Variants in WDR49 observed in about 807,000 individuals in gnomAD.
WDR49 encodes the protein cilia- and flagella-associated protein 337.
A neutral mutation model predicts 119.5 loss-of-function variants in WDR49; 107 were observed. That is an observed-to-expected ratio of 0.90 (90% confidence interval 0.77 to 1.05). The LOEUF is 1.05. WDR49 is among the 50% of genes least tolerant of loss of function. The pLI is 0.00. For synonymous variants in WDR49, 425 were observed against 418.8 expected (o/e 1.01, Z -0.18); for missense variants, 1,240 against 1,220.5 (o/e 1.02, Z -0.24).
intron 13 of WDR49, 63 bp downstream of exon 13, chr3:167,531,052 T>C (rs1752833347): frequency 2.6e-6 from 4 of 1,528,914 alleles, no homozygotes; most frequent in Non-Finnish European, 3.5e-6. Flanking sequence ...CTAGTAGAAA[T>C]AGATTGGATT....
At chr3:167,592,641 G>A (rs1285650121) in intron 7 of WDR49, among the ~76,000 whole-genome samples, 1 of 151,870 alleles carries the variant, frequency 6.6e-6, no homozygotes, top group Admixed American at 6.6e-5. Context: ...CACCATGTTG[G>A]GCAGGACGGT....
chr3:167,523,601 G>A (rs1375650557), intron 15 of WDR49, among the ~76,000 whole-genome samples: 2 of 152,052 alleles, frequency 1.3e-5, no homozygotes, highest in Non-Finnish European at 2.9e-5. Context: ...CTGTGTCCAT[G>A]TGTTCTAATT....
At chr3:167,552,091 C>T (rs1229155706) in intron 10 of WDR49, among the ~76,000 whole-genome samples, 1 of 151,866 alleles carries the variant, frequency 6.6e-6, no homozygotes, top group Non-Finnish European at 1.5e-5. Flanking sequence ...TGTATGTGAA[C>T]ACCCTAAGCA....
chr3:167,541,283 C>A (rs981387576), intron 10 of WDR49, among the ~76,000 whole-genome samples: 1 of 152,102 alleles, frequency 6.6e-6, no homozygotes, highest in Non-Finnish European at 1.5e-5. Context: ...AGGAAAGAAT[C>A]TTGAGGGCTA....
intron 2 of WDR49, 107 bp downstream of exon 2, chr3:167,653,154 A>C (rs1363380687): frequency 3.1e-5 from 39 of 1,262,200 alleles, no homozygotes; most frequent in Non-Finnish European, 4.3e-5. Context: ...CTCTGCTATA[A>C]CAATTAAGTG....
At chr3:167,570,961 G>T (rs1295988477) in intron 8 of WDR49, among the ~76,000 whole-genome samples, 1 of 151,192 alleles carries the variant, frequency 6.6e-6, no homozygotes, top group Non-Finnish European at 1.5e-5. Context: ...GGAGGCGGAG[G>T]TTGCGGTGAG....
At chr3:167,489,661 G>A (rs533769801) in intron 18 of WDR49, among the ~76,000 whole-genome samples, 2 of 152,062 alleles carry the variant, frequency 1.3e-5, no homozygotes, top group Non-Finnish European at 2.9e-5. Flanking sequence ...AGAAGAATTG[G>A]TTTATATATT....
At chr3:167,613,903 C>T (rs1716469318) in intron 5 of WDR49, among the ~76,000 whole-genome samples, 11 of 150,736 alleles carry the variant, frequency 7.3e-5, no homozygotes, top group Admixed American at 7.3e-4. Context: ...CGAGATCATG[C>T]CACTGCAGCC....
intron 18 of WDR49, among the ~76,000 whole-genome samples, 198 bp from the exon 19 acceptor site, chr3:167,479,194 G>A (rs1750599140): frequency 6.6e-6 from 1 of 152,018 alleles, no homozygotes; most frequent in Admixed American, 6.6e-5. Context: ...GTTAAATTTT[G>A]GTAGAGTTTG....
At chr3:167,620,659 G>T in intron 4 of WDR49, 56 bp from the exon 5 acceptor site, 2 of 1,445,578 alleles carry the variant, frequency 1.4e-6, no homozygotes, top group East Asian at 2.5e-5. Flanking sequence ...GTTGCAAGAA[G>T]ATTCTAGGTT....
At chr3:167,583,215 T>C (rs1714638956) in intron 7 of WDR49, among the ~76,000 whole-genome samples, 1 of 152,118 alleles carries the variant, frequency 6.6e-6, no homozygotes, top group African/African-American at 2.4e-5. Context: ...TCACAGCTCC[T>C]CTTTTAATTT....
intron 7 of WDR49, among the ~76,000 whole-genome samples, chr3:167,579,844 G>A (rs987703947): frequency 4.0e-5 from 6 of 151,834 alleles, no homozygotes; most frequent in Admixed American, 2.6e-4. Flanking sequence ...TGATAATCAC[G>A]TCTTCATCAT....
At chr3:167,544,001 CTA>C (rs1338910966) in intron 10 of WDR49, among the ~76,000 whole-genome samples, 1 of 151,610 alleles carries the variant, frequency 6.6e-6, no homozygotes, top group East Asian at 1.9e-4. Context: ...GGTAAAACTG[CTA>C]TACACCAACA....
At chr3:167,552,866 C>T (rs933414531) in intron 10 of WDR49, among the ~76,000 whole-genome samples, 1 of 152,048 alleles carries the variant, frequency 6.6e-6, no homozygotes, top group Non-Finnish European at 1.5e-5. Context: ...AATTATCGAA[C>T]CAATCTCTGT....
chr3:167,502,616 T>C (rs540428940), intron 17 of WDR49, among the ~76,000 whole-genome samples: 4 of 152,288 alleles, frequency 2.6e-5, no homozygotes, highest in Non-Finnish European at 4.4e-5. Flanking sequence ...GGAGCAAAGG[T>C]CACCCATATT....
intron 10 of WDR49, among the ~76,000 whole-genome samples, chr3:167,551,279 T>C (rs1712550514): frequency 6.6e-6 from 1 of 151,944 alleles, no homozygotes; most frequent in Admixed American, 6.6e-5. Flanking sequence ...CAGTATACTG[T>C]AGTTTCTAAC....
At chr3:167,575,319 G>A (rs1714190349) in intron 8 of WDR49, 19 of 985,776 alleles carry the variant, frequency 1.9e-5, no homozygotes, top group Non-Finnish European at 2.2e-5. Flanking sequence ...CTGCTCCAGG[G>A]GAGCCCTGCT....
chr3:167,604,348 G>A lies in WDR49; in HGVS notation c.1079C>T (p.Ala360Val). ...KRLNMTSFNIAQGIHAFDYHS... is the reference protein window; with the variant it reads ...KRLNMTSFNIVQGIHAFDYHS... ...ATAATCAAAAGCATGAATGCCCTGG[G>A]CAATGTTGAAGGATGTCATATTAAG... The change falls in exon 6 of 19, where the codon GCC (alanine) becomes GTC (valine). Residue 360 changes from alanine to valine, a missense_variant. By Grantham distance (64) the Ala-to-Val change is moderately conservative. Transcript: ENST00000682715. 6.2e-7 allele frequency: 1 copy of A among 1,613,692 alleles called. No homozygotes were observed. The highest frequency in any genetic ancestry group is 8.5e-7 in the Non-Finnish European group (1 of 1,179,860).
intron 17 of WDR49, among the ~76,000 whole-genome samples, chr3:167,502,122 G>A (rs957454235): frequency 6.6e-6 from 1 of 152,052 alleles, no homozygotes; most frequent in Non-Finnish European, 1.5e-5. Flanking sequence ...AGATCTGATG[G>A]TTTAAACGTG....
Sources: gnomAD v4.1 joint callset for allele counts (sites outside exome capture counted in the v4.1 genomes callset) on GRCh38, gnomAD v4.1.1 for gene constraint, MANE v1.5 for transcripts, NCBI Gene and HGNC (gene_info 2026-07-23, HGNC 2026-07-21) for gene names.